PRKD3: variants seen among roughly 807,000 people sequenced by gnomAD.
PRKD3 encodes protein kinase D3.
PRKD3 carries 47 observed loss-of-function variants against 99.2 expected under a neutral mutation model. The ratio of observed to expected loss-of-function variants is 0.47; its 90% CI spans 0.38 to 0.60. The LOEUF (loss-of-function observed/expected upper bound fraction) is 0.60, where lower values mean the gene tolerates loss of function less well. Ranked by LOEUF, PRKD3 falls within the 20% of genes least tolerant of loss-of-function variation. PRKD3 has a pLI of 0.00. For synonymous variants in PRKD3, 392 were observed against 355.4 expected, an observed-to-expected ratio of 1.10 and a Z score of -1.16; for missense variants, 1,019 against 1,088.4, an observed-to-expected ratio of 0.94 and a Z score of 0.90.
rs1415021964 is a variant in PRKD3, at chr2:37,251,639, A to G, written c.*1538T>C. 1 of 152,022 alleles carries G rather than the reference A, an allele frequency of 6.6e-6. No individual in the cohort carries two copies. Among genetic ancestry groups the G allele is most frequent in the East Asian group, 1.9e-4 (1 of 5,186 alleles). 9.4% of individuals were successfully genotyped at this position (152,022 alleles called of 1,614,324 possible). A position where few individuals can be genotyped will look rare whatever the true frequency, so the allele number is the denominator to read the frequency against. On this transcript the variant is annotated 3_prime_UTR_variant, in exon 19 of 19. Coordinates refer to ENST00000234179, the MANE Select transcript of PRKD3 (RefSeq NM_005813.6). ...TTCTTTTTTTTTTTTGCTACCTCAAATTCGGTGGGCAACGATAGTTAACAC... is the reference window on the plus strand; with the variant it reads ...TTCTTTTTTTTTTTTGCTACCTCAAGTTCGGTGGGCAACGATAGTTAACAC...
intron 12 of PRKD3, among the ~76,000 whole-genome samples, chr2:37,270,751 C>A (rs13412560): frequency 0.12 from 17,821 of 152,196 alleles, 1,403 homozygotes; most frequent in East Asian, 0.33. Flanking sequence ...TAAGCCTCCC[C>A]ACTTTAATCT....
In PRKD3 at chr2:37,253,148, ATCCT is replaced by A. The variant is rs2148467503; in HGVS notation, c.*25_*28del. 2.6e-6 allele frequency: 4 copies of A among 1,560,412 alleles called. No individual in the cohort carries two copies. The East Asian group carries it at 6.8e-5, about 27-fold the overall frequency. On this transcript the variant is annotated 3_prime_UTR_variant, in exon 19 of 19. Transcript: ENST00000234179. ...GCAAAATATCAGTCCATAAAATGAA[ATCCT>A]TCCTTATTTAGGTTAGCTCAGTGAT...
At chr2:37,282,290 G>A (rs907112489) in intron 7 of PRKD3, 1 of 412,730 alleles carries the variant, frequency 2.4e-6, no homozygotes, top group Admixed American at 3.8e-5. Flanking sequence ...GTCTAAAAAT[G>A]AAAGAGGATA....
chr2:37,293,250 C>A lies in PRKD3; in HGVS notation c.310G>T (p.Gly104Cys). The A allele has an allele frequency of 6.3e-7, 1 of 1,599,122 alleles. No homozygotes were observed. Among genetic ancestry groups the A allele is most frequent in the Non-Finnish European group, 8.6e-7 (1 of 1,168,424 alleles). Residue 104 changes from glycine (G) to cysteine (C), a missense_variant, in exon 3 of 19, where the codon GGC becomes TGC. By Grantham distance (159) the Gly-to-Cys change is radical. Around this residue, in one of 3 missense-constraint regions of PRKD3, gnomAD observed 710 missense variants for 692.7 expected, o/e 1.02. Transcript: ENST00000234179. ...AAGAGAAGAATTTTGTCATACATGC[C>A]AAAGAATCCACACTCTGGAAACTGA... is the stretch of plus-strand genomic sequence containing the variant. ...YQKFPECGFFGMYDKILLFRH... is the reference protein window; with the variant it reads ...YQKFPECGFFCMYDKILLFRH...
Position 37,260,205 on chromosome 2 carries a change from A to T in PRKD3, c.2046+18T>A. ...AGTTTTTAATCGCTAGTTTAAAAAA[A>T]AAAAGGAGTTAAAATACCTGTGTGA... On this transcript the variant is annotated intron_variant, in intron 15 of 18. Coordinates refer to ENST00000234179, the MANE Select transcript of PRKD3 (RefSeq NM_005813.6). 6.4e-7 allele frequency: 1 copy of T among 1,569,946 alleles called. No homozygotes were observed. Among genetic ancestry groups the T allele is most frequent in the Non-Finnish European group, 8.6e-7 (1 of 1,160,210 alleles).
chr2:37,289,522 A>G lies in PRKD3; in HGVS notation c.560-9T>C. The stretch of plus-strand genomic sequence containing the variant: ...GTAATTTAATCCACAGCCTAAACAT[A>G]TTTTACAAGGTAAAATATAAGATTT... On this transcript the variant is annotated splice_polypyrimidine_tract_variant and intron_variant, in intron 4 of 18. Coordinates refer to ENST00000234179, the MANE Select transcript of PRKD3 (RefSeq NM_005813.6). 1 of 1,598,500 alleles carries G rather than the reference A, an allele frequency of 6.3e-7. No homozygotes were observed. Among genetic ancestry groups the G allele is most frequent in the African/African-American group, 1.3e-5 (1 of 74,298 alleles).
At chr2:37,319,496 C>A (rs998982845) in intron 1 of PRKD3, among the ~76,000 whole-genome samples, 7 of 152,066 alleles carry the variant, frequency 4.6e-5, no homozygotes, top group South Asian at 4.1e-4. Context: ...AAGTGTAAAG[C>A]TTTGCATTTA....
chr2:37,309,524 A>G (rs1055964175), intron 2 of PRKD3, among the ~76,000 whole-genome samples: 5 of 152,206 alleles, frequency 3.3e-5, no homozygotes, highest in African/African-American at 1.2e-4. Flanking sequence ...AAGATTCTTA[A>G]GTCACATATG....
At chr2:37,264,353 G>A (rs1668679052) in intron 14 of PRKD3, among the ~76,000 whole-genome samples, 1 of 152,032 alleles carries the variant, frequency 6.6e-6, no homozygotes, top group Admixed American at 6.6e-5. Context: ...TACTATGTGG[G>A]TATTCTGGAT....
chr2:37,275,482 G>A (rs1388331997), intron 10 of PRKD3, among the ~76,000 whole-genome samples: 6 of 152,238 alleles, frequency 3.9e-5, no homozygotes, highest in East Asian at 1.9e-4. Flanking sequence ...TTTCTAAGCA[G>A]TCTAATCTAA....
intron 9 of PRKD3, among the ~76,000 whole-genome samples, chr2:37,276,849 TAA>T (rs1193433076): frequency 3.3e-5 from 5 of 150,802 alleles, no homozygotes; most frequent in African/African-American, 1.2e-4. Flanking sequence ...TACATATATA[TAA>T]CTTTATTTTT....
At chr2:37,259,778 TTCA>T in intron 15 of PRKD3, 97 bp from the exon 16 acceptor site, 1 of 810,274 alleles carries the variant, frequency 1.2e-6, no homozygotes. Context: ...TCCACTATAG[TTCA>T]TCAAGACTTA....
chr2:37,284,427 T>G (rs751527546), intron 6 of PRKD3, among the ~76,000 whole-genome samples: 1 of 152,162 alleles, frequency 6.6e-6, no homozygotes, highest in Admixed American at 6.5e-5. Context: ...TTTATTTTAG[T>G]TCCTCTACAA....
intron 2 of PRKD3, among the ~76,000 whole-genome samples, chr2:37,314,200 A>G (rs1671564857): frequency 6.6e-6 from 1 of 152,186 alleles, no homozygotes; most frequent in South Asian, 2.1e-4. Flanking sequence ...CATTTATAGA[A>G]AACTGCACTC....
At chr2:37,291,885 T>C (rs1670445758) in intron 3 of PRKD3, among the ~76,000 whole-genome samples, 1 of 152,204 alleles carries the variant, frequency 6.6e-6, no homozygotes, top group Non-Finnish European at 1.5e-5. Flanking sequence ...AAACAAAAAG[T>C]ACTGCAGACC....
At chr2:37,286,506 T>A in intron 5 of PRKD3, 137 bp from the exon 6 acceptor site, 1 of 665,282 alleles carries the variant, frequency 1.5e-6, no homozygotes, top group Non-Finnish European at 2.4e-6. Flanking sequence ...AGCAGTTTCC[T>A]TTGCAATGTT....
chr2:37,271,085 A>G (rs1353514944), intron 12 of PRKD3, among the ~76,000 whole-genome samples: 1 of 152,344 alleles, frequency 6.6e-6, no homozygotes, highest in Non-Finnish European at 1.5e-5. Context: ...CTAGAGTCCA[A>G]TCTTCATTGC....
At chr2:37,285,691 A>T (rs1413587307) in intron 6 of PRKD3, among the ~76,000 whole-genome samples, 1 of 152,202 alleles carries the variant, frequency 6.6e-6, no homozygotes, top group East Asian at 1.9e-4. Context: ...GCTATTCTGT[A>T]TTGGGAAGTG....
At chr2:37,307,610 G>T (rs114892120) in intron 2 of PRKD3, among the ~76,000 whole-genome samples, 1 of 152,138 alleles carries the variant, frequency 6.6e-6, no homozygotes, top group African/African-American at 2.4e-5. Flanking sequence ...TCTACTAAAT[G>T]TAAGACATCT....
Sources: gnomAD v4.1 joint callset for allele counts (sites outside exome capture counted in the v4.1 genomes callset) on GRCh38, gnomAD v4.1.1 for gene constraint, gnomAD v4.1.1 regional missense constraint, MANE v1.5 for transcripts, NCBI Gene and HGNC (gene_info 2026-07-23, HGNC 2026-07-21) for gene names.